GLI2: variants seen among roughly 807,000 people sequenced by gnomAD.
GLI2 encodes the protein GLI family zinc finger 2.
GLI2 carries 22 observed loss-of-function variants against 78.9 expected under a neutral mutation model. The observed-to-expected ratio is 0.28, with a 90% confidence interval of 0.20 to 0.40. GLI2 has a LOEUF of 0.40. GLI2 is among the 10% of genes least tolerant of loss of function. GLI2 has a pLI of 1.00. For synonymous variants in GLI2, 974 were observed against 963.7 expected (o/e 1.01, Z -0.20); for missense variants, 2,097 against 2,213.2 (o/e 0.95, Z 1.05).
Position 120,766,133 on chromosome 2 carries a change from T to A in GLI2, c.-31+29848T>A, listed in dbSNP as rs192733545. ...GAGGTTCACGCGGCAAGGCTGGGGC[T>A]GGGATGAGTTATCCCTGCTGTTCTT... is the stretch of plus-strand genomic sequence containing the variant. On this transcript the variant is annotated intron_variant, in intron 1 of 13. Transcript: ENST00000361492. 1.3e-5 allele frequency among the ~76,000 whole-genome samples: 2 copies of A among 152,334 alleles called. 1 individual carries two copies. The highest frequency in any genetic ancestry group is 3.9e-4 in the East Asian group (2 of 5,172).
At chr2:120,774,328 A>T (rs1052616428) in intron 1 of GLI2, among the ~76,000 whole-genome samples, 1 of 152,152 alleles carries the variant, frequency 6.6e-6, no homozygotes, top group African/African-American at 2.4e-5. Context: ...CATAAAATTC[A>T]CCCTCTTAAA....
At chr2:120,765,240 G>T (rs1362809946) in intron 1 of GLI2, among the ~76,000 whole-genome samples, 1 of 152,198 alleles carries the variant, frequency 6.6e-6, no homozygotes, top group East Asian at 1.9e-4. Flanking sequence ...TTCACACCCT[G>T]AGCCCAGTCC....
chr2:120,871,772 T>C (rs1688443768), intron 2 of GLI2, among the ~76,000 whole-genome samples: 1 of 152,246 alleles, frequency 6.6e-6, no homozygotes, highest in Non-Finnish European at 1.5e-5. Context: ...GCATGTTCAA[T>C]GTAGCAATTT....
At chr2:120,942,979 C>CTCAT (rs1056149202) in intron 3 of GLI2, among the ~76,000 whole-genome samples, 9 of 149,526 alleles carry the variant, frequency 6.0e-5, no homozygotes, top group Admixed American at 2.0e-4. Flanking sequence ...CCCTCACTCA[C>CTCAT]TCATTCATTC....
intron 1 of GLI2, among the ~76,000 whole-genome samples, chr2:120,781,660 A>G (rs1183503101): frequency 6.6e-6 from 1 of 152,192 alleles, no homozygotes; most frequent in East Asian, 1.9e-4. Flanking sequence ...AGGCGGGTGG[A>G]TCACCTGAGG....
intron 1 of GLI2, among the ~76,000 whole-genome samples, chr2:120,764,434 T>TA (rs1683308117): frequency 2.7e-5 from 4 of 148,066 alleles, no homozygotes; most frequent in Admixed American, 6.8e-5. Flanking sequence ...CTTTAATCTT[T>TA]TAAAAAAAAG....
chr2:120,927,882 T>C (rs765124083), intron 3 of GLI2, among the ~76,000 whole-genome samples: 6 of 152,186 alleles, frequency 3.9e-5, no homozygotes, highest in African/African-American at 7.2e-5. Flanking sequence ...GAATAGTAAA[T>C]TGTATAGTCA....
chr2:120,906,079 T>TGCCAGCA (rs1336189757), intron 2 of GLI2, among the ~76,000 whole-genome samples: 1 of 152,222 alleles, frequency 6.6e-6, no homozygotes, highest in East Asian at 1.9e-4. Flanking sequence ...CCCAGCCTCC[T>TGCCAGCA]GCCAGCAGCC....
At chr2:120,791,978 G>T (rs1684172989) in intron 1 of GLI2, among the ~76,000 whole-genome samples, 1 of 152,106 alleles carries the variant, frequency 6.6e-6, no homozygotes, top group Non-Finnish European at 1.5e-5. Flanking sequence ...TCCTGGGCAC[G>T]CATGCCGCAC....
intron 1 of GLI2, among the ~76,000 whole-genome samples, chr2:120,765,248 T>G (rs898170385): frequency 6.6e-6 from 1 of 152,182 alleles, no homozygotes; most frequent in Non-Finnish European, 1.5e-5. Context: ...CTGAGCCCAG[T>G]CCAGTCCTAG....
At chr2:120,961,110 C>A (rs1681533075) in intron 5 of GLI2, among the ~76,000 whole-genome samples, 1 of 152,208 alleles carries the variant, frequency 6.6e-6, no homozygotes, top group South Asian at 2.1e-4. Flanking sequence ...TCCCCCTCCA[C>A]CACATTGAGA....
chr2:120,787,823 AGGGAGGAAGGTGATGGAC>A (rs1199565856), intron 1 of GLI2, among the ~76,000 whole-genome samples: 88 of 152,300 alleles, frequency 5.8e-4, no homozygotes, highest in African/African-American at 2.0e-3. Context: ...AGGGCTCTCC[AGGGAGGAAGGTGATGGAC>A]AATAGGAATT....
chr2:120,820,036 T>G (rs1326385629), intron 2 of GLI2, among the ~76,000 whole-genome samples: 1 of 152,076 alleles, frequency 6.6e-6, no homozygotes, highest in African/African-American at 2.4e-5. Context: ...CATGGGAACC[T>G]GGGGAAGGTT....
intron 1 of GLI2, among the ~76,000 whole-genome samples, chr2:120,786,974 G>A (rs918303604): frequency 1.1e-4 from 17 of 152,302 alleles, no homozygotes; most frequent in African/African-American, 3.8e-4. Context: ...TGTTCAGTTC[G>A]TCTCTGAGTC....
At chr2:120,914,888 G>A (rs551252299) in intron 2 of GLI2, among the ~76,000 whole-genome samples, 41 of 152,332 alleles carry the variant, frequency 2.7e-4, no homozygotes, top group Admixed American at 1.5e-3. Flanking sequence ...TGGCACTGGC[G>A]GCAGCCTCAG....
intron 2 of GLI2, among the ~76,000 whole-genome samples, chr2:120,857,499 A>G (rs1255373217): frequency 2.0e-5 from 2 of 100,868 alleles, no homozygotes; most frequent in African/African-American, 7.6e-5. Context: ...CCACCTACCC[A>G]TCTGCCCGCC....
At chr2:120,760,658 C>A (rs192019965) in intron 1 of GLI2, among the ~76,000 whole-genome samples, 184 of 152,314 alleles carry the variant, frequency 1.2e-3, no homozygotes, top group Non-Finnish European at 2.2e-3. Context: ...TGCCACTGAG[C>A]CTTGCTTGGT....
At chr2:120,880,930 A>G (rs1333825019) in intron 2 of GLI2, among the ~76,000 whole-genome samples, 1 of 152,126 alleles carries the variant, frequency 6.6e-6, no homozygotes, top group Non-Finnish European at 1.5e-5. Context: ...CCCTGCCCCC[A>G]CCAGGGAGCA....
chr2:120,890,277 A>G (rs1164234840), intron 2 of GLI2, among the ~76,000 whole-genome samples: 1 of 152,140 alleles, frequency 6.6e-6, no homozygotes, highest in Non-Finnish European at 1.5e-5. Flanking sequence ...AGAAATGGAG[A>G]ACAGATCAAT....
Sources: allele counts gnomAD v4.1 joint callset (sites outside exome capture counted in the v4.1 genomes callset), GRCh38; gene constraint gnomAD v4.1.1; transcripts MANE v1.5; gene names NCBI Gene and HGNC (gene_info 2026-07-23, HGNC 2026-07-21).